The following RET variants were observed in gnomAD, a reference collection of about 807,000 sequenced individuals.
RET encodes the protein ret proto-oncogene.
RET carries 19 observed loss-of-function variants against 118.3 expected under a neutral mutation model. The ratio of observed to expected loss-of-function variants is 0.16; its 90% CI spans 0.11 to 0.24. The LOEUF (loss-of-function observed/expected upper bound fraction) is 0.24, where lower values mean the gene tolerates loss of function less well. Among genes scored for constraint, RET ranks in the 10% least tolerant of loss-of-function variants. The pLI, the probability that RET is intolerant of heterozygous loss-of-function variation, is 1.00. For missense variants in RET, 1,219 were observed against 1,502.1 expected, an observed-to-expected ratio of 0.81 and a Z score of 3.12; for synonymous variants, 597 against 644.1, an observed-to-expected ratio of 0.93 and a Z score of 1.11.
chr10:43,082,719 G>C (rs528898533), intron 1 of RET, among the ~76,000 whole-genome samples: 1 of 152,360 alleles, frequency 6.6e-6, no homozygotes, highest in East Asian at 1.9e-4. Flanking sequence ...GCTGTTTCCA[G>C]TTCCCTTGTG....
chr10:43,121,491 C>T (rs1451857292), intron 15 of RET, among the ~76,000 whole-genome samples: 1 of 152,136 alleles, frequency 6.6e-6, no homozygotes, highest in African/African-American at 2.4e-5. Context: ...AGAGAAAAAA[C>T]AGCCTCCCCC....
intron 13 of RET, among the ~76,000 whole-genome samples, chr10:43,119,286 A>G (rs961572663): frequency 1.3e-5 from 2 of 152,198 alleles, no homozygotes; most frequent in African/African-American, 2.4e-5. Context: ...TGCCTCAGGC[A>G]CCTCGAGAAG....
chr10:43,119,070 G>A (rs1421364669), intron 13 of RET, among the ~76,000 whole-genome samples: 3 of 152,240 alleles, frequency 2.0e-5, no homozygotes, highest in Non-Finnish European at 4.4e-5. Context: ...GTCGGCACCA[G>A]TAGAGTTGGA....
At chr10:43,127,167 G>A (rs1838353254) in intron 19 of RET, 8 of 1,106,932 alleles carry the variant, frequency 7.2e-6, no homozygotes, top group Non-Finnish European at 8.8e-6. Flanking sequence ...GGTTCCCCCA[G>A]ACCCCTCCTG....
At chr10:43,077,582 C>T (rs1002587687) in intron 1 of RET, among the ~76,000 whole-genome samples, 2 of 151,376 alleles carry the variant, frequency 1.3e-5, no homozygotes, top group Non-Finnish European at 1.5e-5. Flanking sequence ...GGCCGGGCCG[C>T]GGGGGTCGGT....
chr10:43,108,781 G>A (rs1049806960), intron 5 of RET, among the ~76,000 whole-genome samples: 18 of 152,092 alleles, frequency 1.2e-4, no homozygotes, highest in African/African-American at 2.7e-4. Flanking sequence ...CATACAATGC[G>A]TACACATGCA....
In RET at chr10:43,130,044, C is replaced by A. The variant is rs1419556265; in HGVS notation, c.*1775C>A. On this transcript the variant is annotated 3_prime_UTR_variant, in exon 20 of 20. Transcript: ENST00000355710. ...TTTGTTCTCAGGAGGGTAAGAACTC[C>A]AGGTCTAAACAGCTGACCCAGTGAT... The A allele has an allele frequency of 2.5e-6, 1 of 398,504 alleles. No homozygotes were observed. The highest frequency in any genetic ancestry group is 2.1e-5 in the African/African-American group (1 of 48,606). 24.7% of individuals were successfully genotyped at this position (398,504 alleles called of 1,614,324 possible).
Position 43,112,903 on chromosome 10 carries a change from G to A in RET, c.1699G>A (p.Asp567Asn), listed in dbSNP as rs147219360. 215 of 1,614,028 alleles carry A rather than the reference G, an allele frequency of 1.3e-4. No individual in the cohort carries two copies. In the Middle Eastern group the frequency reaches 3.1e-3, roughly 23 times the overall value. The change falls in exon 9 of 20, where the codon GAC (aspartate) becomes AAC (asparagine). Residue 567 changes from aspartate to asparagine, a missense_variant. By Grantham distance (23) the Asp-to-Asn change is conservative. Coordinates refer to ENST00000355710, the MANE Select transcript of RET (RefSeq NM_020975.6). Reference sequence around the variant, plus strand: ...CTCTCCCAGCACCAAGACCTGCCCCGACGGCCACTGCGATGTTGTGGAGAC... The same window carrying A: ...CTCTCCCAGCACCAAGACCTGCCCCAACGGCCACTGCGATGTTGTGGAGAC... ...TCSPSTKTCPDGHCDVVETQD... is the reference protein window; with the variant it reads ...TCSPSTKTCPNGHCDVVETQD...
At chr10:43,109,528 C>T (rs1304711421) in intron 6 of RET, among the ~76,000 whole-genome samples, 1 of 152,152 alleles carries the variant, frequency 6.6e-6, no homozygotes, top group Non-Finnish European at 1.5e-5. Context: ...TATGGTGACT[C>T]GGAAGAATCT....
intron 2 of RET, among the ~76,000 whole-genome samples, chr10:43,101,217 C>T (rs3026736): frequency 0.049 from 7,094 of 144,866 alleles, 190 homozygotes; most frequent in South Asian, 0.085. Context: ...GCCAGAGTCA[C>T]GGCCACATGT....
intron 8 of RET, 59 bp downstream of exon 8, chr10:43,112,283 G>C: frequency 6.5e-7 from 1 of 1,527,924 alleles, no homozygotes; most frequent in Non-Finnish European, 8.8e-7. Flanking sequence ...GTGGAAACGG[G>C]GTCCTGGGGC....
At chr10:43,103,237 G>C (rs970268107) in intron 3 of RET, among the ~76,000 whole-genome samples, 1 of 152,174 alleles carries the variant, frequency 6.6e-6, no homozygotes, top group African/African-American at 2.4e-5. Context: ...TTTGGAGGGA[G>C]GGAGTGCTGG....
intron 1 of RET, among the ~76,000 whole-genome samples, chr10:43,084,901 G>C (rs998890053): frequency 6.6e-6 from 1 of 152,172 alleles, no homozygotes; most frequent in Admixed American, 6.5e-5. Context: ...CTGACAAGAC[G>C]AGACTCAGCA....
Position 43,082,686 on chromosome 10 carries a change from A to G in RET, c.73+5355A>G, listed in dbSNP as rs943812534. 2.0e-5 allele frequency among the ~76,000 whole-genome samples: 3 copies of G among 152,208 alleles called. No homozygotes were observed. The South Asian group carries it at 6.2e-4, about 31-fold the overall frequency. On this transcript the variant is annotated intron_variant, in intron 1 of 19. Transcript: ENST00000355710. ...CTGAGGGGCAGTGTGGCCCCAGGGC[A>G]GGAGCAGGACAGTGGCCACCAAGCT... is the stretch of plus-strand genomic sequence containing the variant.
At chr10:43,091,166 A>G (rs1837402386) in intron 1 of RET, among the ~76,000 whole-genome samples, 1 of 152,212 alleles carries the variant, frequency 6.6e-6, no homozygotes, top group South Asian at 2.1e-4. Context: ...GAATTGGGCT[A>G]CATCAAAATG....
At chr10:43,099,628 T>A (rs773821539) in intron 1 of RET, among the ~76,000 whole-genome samples, 1 of 152,240 alleles carries the variant, frequency 6.6e-6, no homozygotes, top group Admixed American at 6.5e-5. Flanking sequence ...CCACGTGATC[T>A]GCACCCTTCT....
chr10:43,108,790 C>T (rs185312821), intron 5 of RET, among the ~76,000 whole-genome samples: 3 of 152,128 alleles, frequency 2.0e-5, no homozygotes, highest in Non-Finnish European at 4.4e-5. Flanking sequence ...CGTACACATG[C>T]ACACACACAC....
Position 43,129,741 on chromosome 10 carries a change from G to A in RET, c.*1472G>A. ...ACAGCAAAATTGTGGCATTTTGTGA[G>A]GCCAAGGCTTGGATGCGTGTGTAAT... On this transcript the variant is annotated 3_prime_UTR_variant, in exon 20 of 20. Coordinates refer to ENST00000355710, the MANE Select transcript of RET (RefSeq NM_020975.6). 5.2e-6 allele frequency: 2 copies of A among 386,258 alleles called. No homozygotes were observed. The highest frequency in any genetic ancestry group is 2.9e-4 in the South Asian group (2 of 6,880). 23.9% of individuals were successfully genotyped at this position (386,258 alleles called of 1,614,324 possible). A position where few individuals can be genotyped will look rare whatever the true frequency, so the allele number is the denominator to read the frequency against.
Position 43,128,668 on chromosome 10 carries a change from C to CA in RET, c.*406dup, listed in dbSNP as rs1838385425. The CA allele has an allele frequency of 2.7e-6, 1 of 374,698 alleles. No individual in the cohort carries two copies. Among genetic ancestry groups the CA allele is most frequent in the South Asian group, 3.2e-5 (1 of 31,682 alleles). 23.2% of individuals were successfully genotyped at this position (374,698 alleles called of 1,614,324 possible). The stretch of plus-strand genomic sequence containing the variant: ...TTTTTCTAGTTGCCGCCAAACAAGG[C>CA]AAAAAAATTTAAACATGAAGCACAC... On this transcript the variant is annotated 3_prime_UTR_variant, in exon 20 of 20. Transcript: ENST00000355710.
Sources: gnomAD v4.1 joint callset for allele counts (sites outside exome capture counted in the v4.1 genomes callset) on GRCh38, gnomAD v4.1.1 for gene constraint, MANE v1.5 for transcripts, NCBI Gene and HGNC (gene_info 2026-07-23, HGNC 2026-07-21) for gene names.